TUNAR: variants seen among roughly 807,000 people sequenced by gnomAD.
TUNAR encodes transmembrane neural differentiation associated intracellular calcium regulator.
intron 2 of TUNAR, among the ~76,000 whole-genome samples, chr14:95,915,629 G>A (rs749299636): frequency 6.6e-6 from 1 of 152,246 alleles, no homozygotes; most frequent in Non-Finnish European, 1.5e-5. Flanking sequence ...TTCTAGCCCT[G>A]CCCGGCTGGG....
chr14:95,915,808 A>C (rs1889596109), intron 2 of TUNAR, among the ~76,000 whole-genome samples: 1 of 152,210 alleles, frequency 6.6e-6, no homozygotes, highest in Admixed American at 6.5e-5. Flanking sequence ...GCTCATCGGA[A>C]GCAGCCCAAC....
intron 2 of TUNAR, among the ~76,000 whole-genome samples, chr14:95,898,625 T>G (rs1295600961): frequency 1.3e-5 from 2 of 152,188 alleles, no homozygotes; most frequent in East Asian, 3.8e-4. Context: ...TCATTTTGCT[T>G]TTTTTTAACT....
chr14:95,905,875 G>A (rs1246663198), intron 2 of TUNAR, among the ~76,000 whole-genome samples: 1 of 152,154 alleles, frequency 6.6e-6, no homozygotes, highest in Non-Finnish European at 1.5e-5. Context: ...CCCCATTTAT[G>A]TATGTGATTA....
chr14:95,921,054 G>A (rs1469347632), intron 2 of TUNAR, among the ~76,000 whole-genome samples: 2 of 152,160 alleles, frequency 1.3e-5, no homozygotes, highest in East Asian at 1.9e-4. Flanking sequence ...GCAGGAAAAA[G>A]CCATTGTCCC....
chr14:95,891,233 C>T (rs1210800414), intron 2 of TUNAR, among the ~76,000 whole-genome samples: 2 of 152,190 alleles, frequency 1.3e-5, no homozygotes, highest in Non-Finnish European at 2.9e-5. Flanking sequence ...GCCAAGGTCC[C>T]ACCTGCTCGG....
At chr14:95,881,385 G>T (rs1888975165) in intron 2 of TUNAR, among the ~76,000 whole-genome samples, 1 of 152,178 alleles carries the variant, frequency 6.6e-6, no homozygotes, top group African/African-American at 2.4e-5. Flanking sequence ...TGTGGGAGGT[G>T]AACACAAACT....
chr14:95,878,972 G>A (rs1029181667), intron 2 of TUNAR, among the ~76,000 whole-genome samples: 3 of 151,804 alleles, frequency 2.0e-5, no homozygotes. Flanking sequence ...AACAATTACT[G>A]CAAATAAATA....
At chr14:95,910,395 A>G (rs1298696915) in intron 2 of TUNAR, among the ~76,000 whole-genome samples, 8 of 152,142 alleles carry the variant, frequency 5.3e-5, no homozygotes, top group Non-Finnish European at 7.3e-5. Context: ...CTAAATAAAT[A>G]TTTGTTGAGT....
At chr14:95,879,943 G>A (rs56081314) in intron 2 of TUNAR, among the ~76,000 whole-genome samples, 2,810 of 152,298 alleles carry the variant, frequency 0.018, 54 homozygotes, top group East Asian at 0.08. Flanking sequence ...TGGGGACACA[G>A]CCTGAGTGCT....
chr14:95,907,299 C>T (rs1015383129), intron 2 of TUNAR, among the ~76,000 whole-genome samples: 1 of 152,184 alleles, frequency 6.6e-6, no homozygotes, highest in African/African-American at 2.4e-5. Flanking sequence ...AGCTTATCTT[C>T]AGGGTAGAGT....
At chr14:95,911,432 C>T (rs534660354) in intron 2 of TUNAR, among the ~76,000 whole-genome samples, 3 of 152,268 alleles carry the variant, frequency 2.0e-5, no homozygotes, top group East Asian at 1.9e-4. Flanking sequence ...GCCATGAGCT[C>T]GTTGAGGGCC....
chr14:95,878,612 G>C (rs1394860783), intron 2 of TUNAR, among the ~76,000 whole-genome samples: 1 of 152,190 alleles, frequency 6.6e-6, no homozygotes, highest in Non-Finnish European at 1.5e-5. Context: ...CCAGTCATTT[G>C]GACGAACATT....
intron 2 of TUNAR, among the ~76,000 whole-genome samples, chr14:95,879,524 T>C (rs1299842834): frequency 6.6e-6 from 1 of 152,276 alleles, no homozygotes; most frequent in Non-Finnish European, 1.5e-5. Context: ...TAACGATTTT[T>C]GTGTCATAGA....
At chr14:95,896,612 A>G (rs1404417996) in intron 2 of TUNAR, among the ~76,000 whole-genome samples, 3 of 152,226 alleles carry the variant, frequency 2.0e-5, no homozygotes, top group African/African-American at 7.2e-5. Context: ...GGAAGCAGAA[A>G]GCCTCTGCTC....
intron 2 of TUNAR, among the ~76,000 whole-genome samples, chr14:95,896,365 G>T (rs1363925434): frequency 6.6e-6 from 1 of 152,230 alleles, no homozygotes; most frequent in Admixed American, 6.5e-5. Flanking sequence ...TTCCAGCTAA[G>T]TAGCGGCAGT....
intron 2 of TUNAR, among the ~76,000 whole-genome samples, chr14:95,884,658 A>T (rs1889043589): frequency 6.6e-6 from 1 of 152,192 alleles, no homozygotes; most frequent in African/African-American, 2.4e-5. Context: ...AAGTTTCTGG[A>T]TATAGACTGC....
intron 2 of TUNAR, among the ~76,000 whole-genome samples, chr14:95,918,952 G>A (rs913295024): frequency 6.6e-6 from 1 of 152,156 alleles, no homozygotes; most frequent in Non-Finnish European, 1.5e-5. Flanking sequence ...CCTGCTCCAT[G>A]CCCGGCATCA....
intron 2 of TUNAR, among the ~76,000 whole-genome samples, chr14:95,912,056 T>C (rs72700939): frequency 0.1 from 15,700 of 152,286 alleles, 956 homozygotes; most frequent in South Asian, 0.22. Flanking sequence ...TCTTGTCACT[T>C]GGCTGGTGAG....
At chr14:95,893,131 G>A (rs904251520) in intron 2 of TUNAR, among the ~76,000 whole-genome samples, 4 of 152,096 alleles carry the variant, frequency 2.6e-5, no homozygotes, top group African/African-American at 9.7e-5. Flanking sequence ...GAGGGAACAC[G>A]GACTCTCCAG....
Sources: gnomAD v4.1 joint callset for allele counts (sites outside exome capture counted in the v4.1 genomes callset) on GRCh38, gnomAD v4.1.1 for gene constraint, MANE v1.5 for transcripts, NCBI Gene and HGNC (gene_info 2026-07-23, HGNC 2026-07-21) for gene names.